Variants in ATP10B observed in about 807,000 individuals in gnomAD.
The protein encoded by ATP10B is ATPase phospholipid transporting 10B (putative), also known as phospholipid-transporting ATPase VB.
In ATP10B, 122 loss-of-function variants were observed where a neutral mutation model predicts 141.2. The ratio of observed to expected loss-of-function variants is 0.86; its 90% CI spans 0.75 to 1.00. The LOEUF is 1.00. Among genes scored for constraint, ATP10B ranks in the 50% least tolerant of loss-of-function variants. The pLI, the probability that ATP10B is intolerant of heterozygous loss-of-function variation, is 0.00. For synonymous variants in ATP10B, 685 were observed against 692.0 expected (o/e 0.99, Z 0.16); for missense variants, 1,876 against 1,825.3 (o/e 1.03, Z -0.51).
intron 7 of ATP10B, among the ~76,000 whole-genome samples, chr5:160,660,760 A>C (rs1341123812): frequency 6.6e-6 from 1 of 152,244 alleles, no homozygotes; most frequent in East Asian, 1.9e-4. Flanking sequence ...TAACATTGAC[A>C]TGCACATGCA....
At chr5:160,569,811 T>C in intron 24 of ATP10B, 128 bp from the exon 25 acceptor site, 2 of 740,506 alleles carry the variant, frequency 2.7e-6, no homozygotes, top group South Asian at 2.2e-5. Context: ...TTCAAAAAAG[T>C]GTGCAGCTTA....
chr5:160,891,389 C>CT, the ATP10B span, among the ~76,000 whole-genome samples: 1 of 152,210 alleles, frequency 6.6e-6, no homozygotes, highest in Non-Finnish European at 1.5e-5. Context: ...CTCTGACCTT[C>CT]TCCTTCCAAT....
chr5:160,889,235 A>G, the ATP10B span, among the ~76,000 whole-genome samples: 1 of 152,158 alleles, frequency 6.6e-6, no homozygotes, highest in Non-Finnish European at 1.5e-5. Flanking sequence ...CATTGAATAG[A>G]TGTTCCCCTT....
the ATP10B span, among the ~76,000 whole-genome samples, chr5:160,878,352 C>T: frequency 6.6e-6 from 1 of 151,668 alleles, no homozygotes; most frequent in African/African-American, 2.4e-5. Flanking sequence ...GAAACTGGAT[C>T]CCTTCCTTAC....
intron 13 of ATP10B, among the ~76,000 whole-genome samples, chr5:160,628,655 G>A (rs565761545): frequency 6.6e-6 from 1 of 152,242 alleles, no homozygotes; most frequent in South Asian, 2.1e-4. Context: ...AGCCTAACTG[G>A]CCCCAATACA....
the ATP10B span, among the ~76,000 whole-genome samples, chr5:160,865,898 A>T: frequency 4.6e-5 from 7 of 152,298 alleles, no homozygotes; most frequent in East Asian, 3.9e-4. Context: ...GCCATAATTA[A>T]AAAGTCAAAA....
rs184328838 is a variant in ATP10B at position 160,697,294 on chromosome 5, G to A, written c.-204-8351C>T. On this transcript the variant is annotated intron_variant, in intron 3 of 25. Coordinates refer to ENST00000327245, the MANE Select transcript of ATP10B (RefSeq NM_025153.3). ...CCCAGGAAAATTCAGTGAGGCCTTCGTGGGAAAGGAATAGTCTTAGCGGAG... is the reference window on the plus strand; with the variant it reads ...CCCAGGAAAATTCAGTGAGGCCTTCATGGGAAAGGAATAGTCTTAGCGGAG... 5.9e-3 allele frequency among the ~76,000 whole-genome samples: 896 copies of A among 152,248 alleles called. 11 individuals carry two copies. The highest frequency in any genetic ancestry group is 0.019 in the African/African-American group (790 of 41,554).
At chr5:160,857,765 G>C in the ATP10B span, among the ~76,000 whole-genome samples, 1 of 151,718 alleles carries the variant, frequency 6.6e-6, no homozygotes, top group South Asian at 2.1e-4. Context: ...TTTTATTCAT[G>C]AGCTATTTAG....
Position 160,622,578 on chromosome 5 carries a change from T to A in ATP10B, c.1628A>T (p.Asp543Val), listed in dbSNP as rs1430276574. ...CAGTAGGTTTTTATCTGGAGTTACA[T>A]CTTTTTCCTGGAAGAGAAAGGCCAG... ...PVAFSSSIEK[D>V]VTPDKNLLTK... Residue 543 changes from aspartate (D) to valine (V), a missense_variant, in exon 14 of 26, where the codon GAT becomes GTT. Physicochemically the swap from Asp to Val is radical, Grantham distance 152. Transcript: ENST00000327245. The A allele has an allele frequency of 3.7e-6, 6 of 1,609,606 alleles. No individual in the cohort carries two copies. The Admixed American group carries it at 1.0e-4, about 27-fold the overall frequency.
intron 1 of ATP10B, among the ~76,000 whole-genome samples, chr5:160,806,705 C>T (rs985885830): frequency 6.6e-6 from 1 of 152,232 alleles, no homozygotes; most frequent in Non-Finnish European, 1.5e-5. Context: ...CCTATTTACA[C>T]AGATGCTATT....
At chr5:160,750,734 A>G (rs1768096891) in intron 2 of ATP10B, among the ~76,000 whole-genome samples, 1 of 152,018 alleles carries the variant, frequency 6.6e-6, no homozygotes. Flanking sequence ...ATGACTTATA[A>G]TAAGTGACGT....
intron 1 of ATP10B, among the ~76,000 whole-genome samples, chr5:160,801,183 G>A (rs532114598): frequency 2.6e-5 from 4 of 152,234 alleles, no homozygotes; most frequent in Admixed American, 1.3e-4. Flanking sequence ...CTCTGTCCAC[G>A]AAGCTTCCAA....
chr5:160,840,372 C>T (rs1775739506), intron 1 of ATP10B, among the ~76,000 whole-genome samples: 2 of 151,470 alleles, frequency 1.3e-5, no homozygotes, highest in African/African-American at 4.9e-5. Flanking sequence ...GTGGTAGTGG[C>T]TCATGAGGAT....
chr5:160,766,622 A>T (rs953152334), intron 2 of ATP10B, among the ~76,000 whole-genome samples: 3 of 152,160 alleles, frequency 2.0e-5, no homozygotes, highest in African/African-American at 7.2e-5. Context: ...AGGGATAAAG[A>T]CTACACATTG....
At chr5:160,718,696 A>G (rs1328357651) in intron 2 of ATP10B, among the ~76,000 whole-genome samples, 1 of 152,136 alleles carries the variant, frequency 6.6e-6, no homozygotes, top group African/African-American at 2.4e-5. Flanking sequence ...TTTTGTGAGA[A>G]CTAATCCAGT....
intron 24 of ATP10B, among the ~76,000 whole-genome samples, chr5:160,579,502 C>CTCTGT (rs763755449): frequency 2.0e-5 from 3 of 152,070 alleles, no homozygotes; most frequent in Non-Finnish European, 4.4e-5. Context: ...TTTCTGAGGC[C>CTCTGT]TCTGTTCTGT....
chr5:160,829,224 A>G (rs1318578287), intron 1 of ATP10B, among the ~76,000 whole-genome samples: 1 of 151,846 alleles, frequency 6.6e-6, no homozygotes, highest in Admixed American at 6.6e-5. Context: ...AAAAAAAGCA[A>G]TTCGTTGTTT....
chr5:160,858,532 A>G, the ATP10B span, among the ~76,000 whole-genome samples: 1 of 151,836 alleles, frequency 6.6e-6, no homozygotes, highest in African/African-American at 2.4e-5. Flanking sequence ...TAACTGGAGG[A>G]AAAAGGCAGG....
chr5:160,623,085 G>T, intron 13 of ATP10B, among the ~76,000 whole-genome samples: 1 of 152,114 alleles, frequency 6.6e-6, no homozygotes, highest in East Asian at 1.9e-4. Context: ...TTATTCCCAT[G>T]CTTCTCAACA....
Sources: gnomAD v4.1 joint callset for allele counts (sites outside exome capture counted in the v4.1 genomes callset) on GRCh38, gnomAD v4.1.1 for gene constraint, MANE v1.5 for transcripts, NCBI Gene and HGNC (gene_info 2026-07-23, HGNC 2026-07-21) for gene names.